The following SAP130 variants were observed in gnomAD, a reference collection of about 807,000 sequenced individuals.
SAP130 encodes Sin3A associated protein 130.
SAP130 carries 16 observed loss-of-function variants against 103.2 expected under a neutral mutation model. The observed-to-expected ratio is 0.16, with a 90% CI of 0.10 to 0.24. SAP130 has a LOEUF of 0.24. Ranked by LOEUF, SAP130 falls within the 10% of genes least tolerant of loss-of-function variation. The pLI is 1.00. For missense variants in SAP130, 990 were observed against 1,359.7 expected, an observed-to-expected ratio of 0.73 and a Z score of 4.28; for synonymous variants, 477 against 497.0, an observed-to-expected ratio of 0.96 and a Z score of 0.53.
rs1684870952 is a variant in SAP130 at position 128,017,713 on chromosome 2, T to G, written c.315A>C (p.Ala105=). 2.5e-6 allele frequency: 4 copies of G among 1,614,220 alleles called. No homozygotes were observed. Among genetic ancestry groups the G allele is most frequent in the Non-Finnish European group, 3.4e-6 (4 of 1,180,038 alleles). Residue 105 remains alanine, a synonymous_variant, in exon 3 of 21, where the codon GCA becomes GCC. Coordinates refer to ENST00000643581, the MANE Select transcript of SAP130 (RefSeq NM_001330301.2). ...GTCCCTCCGAAAATGAAAGTGGCAC[T>G]GCTGGCGTCAGGTGTGCTGGCGGGG... ...VTAPPAHLTP[A]VPLSFSEGLM...
chr2:127,993,547 A>G lies in SAP130; in HGVS notation c.1356-239T>C, dbSNP rs547107968. Among the ~76,000 whole-genome samples the G allele has an allele frequency of 3.9e-5, 6 of 152,270 alleles. No individual in the cohort carries two copies. In the South Asian group the frequency reaches 1.2e-3, roughly 32 times the overall value. On this transcript the variant is annotated intron_variant, in intron 11 of 20. Transcript: ENST00000643581. ...AATGTAAAAACATAGATAATATTCT[A>G]TGGGTGATTTTTGAGAGTAAGTCTG...
intron 2 of SAP130, among the ~76,000 whole-genome samples, chr2:128,019,882 A>C (rs959504177): frequency 1.3e-5 from 2 of 152,130 alleles, no homozygotes; most frequent in African/African-American, 2.4e-5. Context: ...TCTGTGTCAA[A>C]AAAAAAAAAT....
At chr2:127,969,299 T>C (rs1362648934) in intron 15 of SAP130, among the ~76,000 whole-genome samples, 1 of 152,220 alleles carries the variant, frequency 6.6e-6, no homozygotes, top group African/African-American at 2.4e-5. Flanking sequence ...CCCAGGATTA[T>C]AGTTTTTTCA....
chr2:127,948,605 G>A (rs1276512174), intron 18 of SAP130, among the ~76,000 whole-genome samples: 3 of 151,958 alleles, frequency 2.0e-5, no homozygotes, highest in African/African-American at 7.3e-5. Context: ...GCCTCACAAA[G>A]TGCTGGGATT....
At chr2:128,026,443 C>A (rs1258256836) in intron 1 of SAP130, 145 bp from the exon 2 acceptor site, 5 of 604,762 alleles carry the variant, frequency 8.3e-6, no homozygotes, top group Non-Finnish European at 1.5e-5. Context: ...AACTTGGGAT[C>A]AATATAAATG....
At chr2:128,010,421 T>A in intron 6 of SAP130, 28 bp from the exon 7 acceptor site, 1 of 1,591,424 alleles carries the variant, frequency 6.3e-7, no homozygotes, top group Non-Finnish European at 8.6e-7. Context: ...ACAGTTCATT[T>A]AAAACAAAAA....
chr2:127,966,639 G>A (rs1680679975), intron 15 of SAP130, among the ~76,000 whole-genome samples: 1 of 151,982 alleles, frequency 6.6e-6, no homozygotes, highest in Non-Finnish European at 1.5e-5. Flanking sequence ...GGAGGCGGAG[G>A]CGGCAGTGAG....
At position 128,017,739 on chromosome 2, in the gene SAP130, C is replaced by T. The variant is rs1487100558; in HGVS notation, c.289G>A (p.Ala97Thr). Residue 97 changes from alanine to threonine, a missense_variant, in exon 3 of 21, where the codon GCC becomes ACC. Around this residue, in one of 6 missense-constraint regions of SAP130, gnomAD observed 167 missense variants for 187.4 expected, o/e 0.89. Coordinates refer to ENST00000643581, the MANE Select transcript of SAP130 (RefSeq NM_001330301.2). Reference sequence around the variant, plus strand: ...GCTGGCGTCAGGTGTGCTGGCGGGGCTGTCACTGCAACAGGTGTGGCTGAT... The same window carrying T: ...GCTGGCGTCAGGTGTGCTGGCGGGGTTGTCACTGCAACAGGTGTGGCTGAT... ...VASATPVAVTAPPAHLTPAVP... is the reference protein window; with the variant it reads ...VASATPVAVTTPPAHLTPAVP... The T allele has an allele frequency of 1.9e-6, 3 of 1,614,216 alleles. No homozygotes were observed.
At chr2:127,956,018 A>G (rs1679814141) in intron 15 of SAP130, among the ~76,000 whole-genome samples, 1 of 151,942 alleles carries the variant, frequency 6.6e-6, no homozygotes, top group African/African-American at 2.4e-5. Flanking sequence ...TTGTCTTTGG[A>G]GTTGTTATTT....
Position 127,980,739 on chromosome 2 carries a change from T to A in SAP130, c.1959-2650A>T, listed in dbSNP as rs1281579311. 2.0e-5 allele frequency among the ~76,000 whole-genome samples: 3 copies of A among 151,992 alleles called. No individual in the cohort carries two copies. The East Asian group carries it at 5.8e-4, about 29-fold the overall frequency. On this transcript the variant is annotated intron_variant, in intron 14 of 20. Coordinates refer to ENST00000643581, the MANE Select transcript of SAP130 (RefSeq NM_001330301.2). ...CAGGTGGAATGCTTCAGCCCGGGAG[T>A]TCGAGACCAGCCGGGGCAACATGGT... is the stretch of plus-strand genomic sequence containing the variant.
chr2:127,993,255 G>C lies in SAP130; in HGVS notation c.1409C>G (p.Ala470Gly), dbSNP rs766389100. Residue 470 changes from alanine (A) to glycine (G), a missense_variant, in exon 12 of 21, where the codon GCA becomes GGA. This residue lies in a region of SAP130 where 336 missense variants were observed against 520.1 expected (regional missense o/e 0.65). Transcript: ENST00000643581. ...GTAGGTATGTGCCGCCAGTGGGTATGCAGAAGGGGGGTAAGTTGGCAAAAA... is the reference window on the plus strand; with the variant it reads ...GTAGGTATGTGCCGCCAGTGGGTATCCAGAAGGGGGGTAAGTTGGCAAAAA... The part of the protein sequence containing the change: ...QYFLPTYPPS[A>G]YPLAAHTYTP... 1 of 1,614,002 alleles carries C rather than the reference G, an allele frequency of 6.2e-7. No individual in the cohort carries two copies. The highest frequency in any genetic ancestry group is 8.5e-7 in the Non-Finnish European group (1 of 1,179,954).
chr2:128,012,500 G>A (rs1684467808), intron 6 of SAP130, among the ~76,000 whole-genome samples: 1 of 151,990 alleles, frequency 6.6e-6, no homozygotes, highest in Non-Finnish European at 1.5e-5. Flanking sequence ...AAAAAACGCA[G>A]TGGCTCTCTA....
chr2:127,989,556 A>C lies in SAP130; in HGVS notation c.1780+8T>G. 6.3e-7 allele frequency: 1 copy of C among 1,589,420 alleles called. No individual in the cohort carries two copies. Among genetic ancestry groups the C allele is most frequent in the South Asian group, 1.1e-5 (1 of 88,634 alleles). On this transcript the variant is annotated splice_region_variant and intron_variant, in intron 13 of 20. Transcript: ENST00000643581. This position sits in a 1 kb window ranked among gnomAD's most constrained non-coding sequence, Gnocchi z 4.6. ...CAAACCACCTTCTATGCAAAAATTT[A>C]AAATTACCTGAAGTCTTTCCTTCAG...
chr2:127,949,122 C>T (rs1196347894), intron 18 of SAP130, among the ~76,000 whole-genome samples: 2 of 152,132 alleles, frequency 1.3e-5, no homozygotes, highest in Admixed American at 6.6e-5. Flanking sequence ...CTTACTTAGT[C>T]AGTACTCCAT....
At chr2:128,006,523 C>T (rs920351307) in intron 7 of SAP130, among the ~76,000 whole-genome samples, 1 of 152,198 alleles carries the variant, frequency 6.6e-6, no homozygotes, top group Non-Finnish European at 1.5e-5. Flanking sequence ...AATTGTAATC[C>T]CAGCACTTTG....
Position 127,983,827 on chromosome 2 carries a change from T to TG in SAP130, c.1958+2957_1958+2958insC, listed in dbSNP as rs1346125496. On this transcript the variant is annotated intron_variant, in intron 14 of 20. Coordinates refer to ENST00000643581, the MANE Select transcript of SAP130 (RefSeq NM_001330301.2). Reference sequence around the variant, plus strand: ...GTAATTTTCTATTACTTTGTTGTTTTTTTTTTTTTTTTTTTTTTTAAACAT... The same window carrying TG: ...GTAATTTTCTATTACTTTGTTGTTTTGTTTTTTTTTTTTTTTTTTTAAACAT... 5.1e-5 allele frequency among the ~76,000 whole-genome samples: 6 copies of TG among 118,756 alleles called. No individual in the cohort carries two copies. The East Asian group carries it at 7.0e-4, about 14-fold the overall frequency. The allele number at this position is 118,756 out of a possible 152,430, so 77.9% of individuals were successfully genotyped here. A position where few individuals can be genotyped will look rare whatever the true frequency, so the allele number is the denominator to read the frequency against.
chr2:127,978,286 TA>T (rs561180280), intron 14 of SAP130, among the ~76,000 whole-genome samples, 197 bp from the exon 15 acceptor site: 24 of 145,660 alleles, frequency 1.6e-4, no homozygotes, highest in Admixed American at 1.4e-4. Flanking sequence ...CACAAAATCT[TA>T]AAAAAAAAAA....
In SAP130 at chr2:128,005,542, G is replaced by C. The variant is rs559084173; in HGVS notation, c.869+4727C>G. ...AGGCAAGAGAATGGCTTGAACCCGGGGGGTGGAGACTGCAGTGAGCTGAGA... is the reference window on the plus strand; with the variant it reads ...AGGCAAGAGAATGGCTTGAACCCGGCGGGTGGAGACTGCAGTGAGCTGAGA... On this transcript the variant is annotated intron_variant, in intron 7 of 20. Transcript: ENST00000643581. Among the ~76,000 whole-genome samples, 275 of 152,154 alleles carry C rather than the reference G, an allele frequency of 1.8e-3. 1 individual carries two copies. The highest frequency in any genetic ancestry group is 6.8e-3 in the Middle Eastern group (2 of 294).
At chr2:128,016,095 C>T (rs555587463) in intron 4 of SAP130, among the ~76,000 whole-genome samples, 6 of 151,920 alleles carry the variant, frequency 3.9e-5, no homozygotes, top group African/African-American at 1.5e-4. Context: ...AACCGGACTC[C>T]GGACTCCTCA....
Sources: gnomAD v4.1 joint callset for allele counts (sites outside exome capture counted in the v4.1 genomes callset) on GRCh38, gnomAD v4.1.1 for gene constraint, gnomAD v4.1.1 regional missense constraint, Gnocchi (gnomAD v3.1) non-coding constraint, MANE v1.5 for transcripts, NCBI Gene and HGNC (gene_info 2026-07-23, HGNC 2026-07-21) for gene names.